YIPF1: variants seen among roughly 807,000 people sequenced by gnomAD.
YIPF1 encodes protein YIPF1.
A neutral mutation model predicts 37.0 loss-of-function variants in YIPF1; 22 were observed. The observed-to-expected ratio is 0.59, with a 90% CI of 0.42 to 0.85. The LOEUF is 0.85. Among genes scored for constraint, YIPF1 ranks in the 40% least tolerant of loss-of-function variants. The pLI is 0.00. For synonymous variants in YIPF1, 128 were observed against 131.9 expected, an observed-to-expected ratio of 0.97 and a Z score of 0.21; for missense variants, 355 against 373.1, an observed-to-expected ratio of 0.95 and a Z score of 0.40.
At chr1:53,854,722 C>A (rs867236378) in intron 10 of YIPF1, among the ~76,000 whole-genome samples, 8 of 152,190 alleles carry the variant, frequency 5.3e-5, no homozygotes, top group Non-Finnish European at 1.0e-4. Flanking sequence ...TGTTCACCAG[C>A]ACAGAGTAGA....
chr1:53,860,851 T>C (rs1483910507), intron 9 of YIPF1, among the ~76,000 whole-genome samples: 1 of 152,194 alleles, frequency 6.6e-6, no homozygotes, highest in African/African-American at 2.4e-5. Flanking sequence ...ACATAAGGTC[T>C]AGAGAAGCCT....
chr1:53,884,616 T>G (rs1650593447), intron 3 of YIPF1, among the ~76,000 whole-genome samples: 1 of 152,184 alleles, frequency 6.6e-6, no homozygotes, highest in Non-Finnish European at 1.5e-5. Flanking sequence ...GGGGGCAGCC[T>G]TAAGATGAAC....
intron 6 of YIPF1, among the ~76,000 whole-genome samples, chr1:53,872,341 A>T (rs1650215162): frequency 6.6e-6 from 1 of 152,146 alleles, no homozygotes; most frequent in Non-Finnish European, 1.5e-5. Context: ...AGATGATAAC[A>T]TACATATATG....
At chr1:53,863,582 A>G (rs907063748) in intron 9 of YIPF1, among the ~76,000 whole-genome samples, 1 of 152,204 alleles carries the variant, frequency 6.6e-6, no homozygotes, top group Non-Finnish European at 1.5e-5. Context: ...AGCATCTCTC[A>G]GTCCAGGGCA....
chr1:53,869,156 T>TCACA (rs1389115434), intron 7 of YIPF1, among the ~76,000 whole-genome samples: 25 of 125,732 alleles, frequency 2.0e-4, no homozygotes, highest in Non-Finnish European at 3.5e-4. Context: ...TCTCTCTCTC[T>TCACA]CTCTCACACA....
At chr1:53,878,864 A>T in intron 4 of YIPF1, 142 bp from the exon 5 acceptor site, 1 of 683,598 alleles carries the variant, frequency 1.5e-6, no homozygotes, top group Non-Finnish European at 2.3e-6. Context: ...ACCAACTCTG[A>T]AATAGCCAAT....
intron 10 of YIPF1, among the ~76,000 whole-genome samples, chr1:53,853,389 T>C (rs921370076): frequency 1.7e-4 from 26 of 152,274 alleles, no homozygotes; most frequent in African/African-American, 6.0e-4. Flanking sequence ...TAGTGGGGGA[T>C]GAGTATAGCT....
intron 9 of YIPF1, among the ~76,000 whole-genome samples, chr1:53,861,890 T>G (rs1649892739): frequency 6.6e-6 from 1 of 152,290 alleles, no homozygotes; most frequent in African/African-American, 2.4e-5. Context: ...GGCACATGCC[T>G]GTCATCCCAG....
intron 3 of YIPF1, among the ~76,000 whole-genome samples, chr1:53,883,507 C>T (rs1650559668): frequency 6.6e-6 from 1 of 152,168 alleles, no homozygotes; most frequent in Admixed American, 6.5e-5. Flanking sequence ...GGTTCTGGCT[C>T]AGCTAGCCAC....
intron 9 of YIPF1, among the ~76,000 whole-genome samples, chr1:53,862,654 G>C (rs1649914002): frequency 6.6e-6 from 1 of 152,160 alleles, no homozygotes; most frequent in African/African-American, 2.4e-5. Context: ...CCCCAGGGGA[G>C]AGTGAGGAAG....
At chr1:53,873,595 T>C (rs1650250315) in intron 6 of YIPF1, among the ~76,000 whole-genome samples, 1 of 151,976 alleles carries the variant, frequency 6.6e-6, no homozygotes, top group South Asian at 2.1e-4. Context: ...AGAGGGTCAC[T>C]TGAGGCTAGG....
intron 10 of YIPF1, among the ~76,000 whole-genome samples, chr1:53,855,395 A>G (rs1360732147): frequency 6.6e-6 from 1 of 152,106 alleles, no homozygotes; most frequent in Non-Finnish European, 1.5e-5. Context: ...GAGAAGACAT[A>G]GCACTGCCCT....
chr1:53,871,391 A>G lies in YIPF1; in HGVS notation c.462T>C (p.Tyr154=). ...LIHLGEKTYH[Y]VPEFRKVSIA... is the part of the protein sequence containing the mutation. ...ACCAACCTTTTCGGAATTCGGGCAC[A>G]TAATGGTACGTCTTCTCTCCCAGAT... The change falls in exon 7 of 11, where the codon TAT becomes TAC. Residue 154 remains tyrosine (Y), a synonymous_variant. Coordinates refer to ENST00000072644, the MANE Select transcript of YIPF1 (RefSeq NM_018982.5). 1 of 1,613,848 alleles carries G rather than the reference A, an allele frequency of 6.2e-7. No individual in the cohort carries two copies. The highest frequency in any genetic ancestry group is 1.1e-5 in the South Asian group (1 of 91,032).
chr1:53,855,114 G>A (rs1380181312), intron 10 of YIPF1: 1 of 151,064 alleles, frequency 6.6e-6, no homozygotes, highest in East Asian at 1.9e-4. Context: ...TCTTGACAAT[G>A]TGAGCGAGTG....
Position 53,866,870 on chromosome 1 carries a change from A to G in YIPF1, c.536T>C (p.Leu179Pro). The change falls in exon 8 of 11, where the codon CTC becomes CCC. Residue 179 changes from leucine to proline, a missense_variant. Transcript: ENST00000072644. ...YAYAWLVPLA[L>P]WGFLMWRNSK... The stretch of plus-strand genomic sequence containing the variant: ...GTTTCTCCACATGAGGAAACCCCAG[A>G]GTGCAAGAGGAACCAGCCAGGCATA... The G allele has an allele frequency of 1.2e-6, 2 of 1,614,236 alleles. No homozygotes were observed. Among genetic ancestry groups the G allele is most frequent in the Middle Eastern group, 1.6e-4 (1 of 6,062 alleles).
intron 4 of YIPF1, among the ~76,000 whole-genome samples, chr1:53,882,496 T>G (rs1650528509): frequency 6.6e-6 from 1 of 151,932 alleles, no homozygotes; most frequent in South Asian, 2.1e-4. Flanking sequence ...CTCACTCTGT[T>G]GCCGAGGCTG....
chr1:53,864,448 CAACTTGGCACTTTTTATGA>C (rs145468856), intron 9 of YIPF1, among the ~76,000 whole-genome samples: 2,824 of 152,326 alleles, frequency 0.019, 56 homozygotes, highest in East Asian at 0.071. Context: ...TTGTGTTTCA[CAACTTGGCACTTTTTATGA>C]AACTTGTTTA....
chr1:53,852,375 T>C (rs142109513), intron 10 of YIPF1, 105 bp from the exon 11 acceptor site: 26 of 152,190 alleles, frequency 1.7e-4, no homozygotes, highest in African/African-American at 5.8e-4. Flanking sequence ...GAGATATAAC[T>C]CCCAACACCG....
intron 7 of YIPF1, among the ~76,000 whole-genome samples, chr1:53,870,013 C>T (rs937651703): frequency 3.3e-5 from 5 of 151,820 alleles, no homozygotes; most frequent in African/African-American, 9.7e-5. Context: ...CAGGCATGCG[C>T]CACCATGCCT....
Sources: gnomAD v4.1 joint callset for allele counts (sites outside exome capture counted in the v4.1 genomes callset) on GRCh38, gnomAD v4.1.1 for gene constraint, MANE v1.5 for transcripts, NCBI Gene and HGNC (gene_info 2026-07-23, HGNC 2026-07-21) for gene names.